MAN1A2: variants seen among roughly 807,000 people sequenced by gnomAD.
MAN1A2 encodes mannosyl-oligosaccharide 1,2-alpha-mannosidase IB.
In MAN1A2, 26 loss-of-function variants were observed where a neutral mutation model predicts 75.7. The observed-to-expected ratio is 0.34, with a 90% confidence interval of 0.25 to 0.48. MAN1A2 has a LOEUF of 0.48. Ranked by LOEUF, MAN1A2 falls within the 20% of genes least tolerant of loss-of-function variation. The pLI is 0.99. For missense variants in MAN1A2, 562 were observed against 775.5 expected (o/e 0.72, Z 3.27); for synonymous variants, 247 against 264.6 (o/e 0.93, Z 0.65).
intron 1 of MAN1A2, among the ~76,000 whole-genome samples, chr1:117,369,746 G>A (rs1195770617): frequency 6.6e-6 from 1 of 152,000 alleles, no homozygotes; most frequent in East Asian, 1.9e-4. Flanking sequence ...TTTGCACTTT[G>A]CTTGTTGTGA....
Position 117,527,829 on chromosome 1 carries a change from C to G in MAN1A2, c.*4872C>G, listed in dbSNP as rs1477045824. The stretch of plus-strand genomic sequence containing the variant: ...GCAAGAATATGATAGAATGTCTGAT[C>G]TTTGTGCTGCAGAAAGCAAACTTTT... On this transcript the variant is annotated 3_prime_UTR_variant, in exon 13 of 13. Coordinates refer to ENST00000356554, the MANE Select transcript of MAN1A2 (RefSeq NM_006699.5). The G allele has an allele frequency of 6.6e-6, 1 of 152,036 alleles. No individual in the cohort carries two copies. Among genetic ancestry groups the G allele is most frequent in the Non-Finnish European group, 1.5e-5 (1 of 67,964 alleles). The allele number at this position is 152,036 out of a possible 1,614,324, so 9.4% of individuals were successfully genotyped here. A position where few individuals can be genotyped will look rare whatever the true frequency, so the allele number is the denominator to read the frequency against.
At chr1:117,491,836 G>A (rs1650890443) in intron 8 of MAN1A2, among the ~76,000 whole-genome samples, 1 of 152,114 alleles carries the variant, frequency 6.6e-6, no homozygotes, top group South Asian at 2.1e-4. Context: ...GATTTTGAGG[G>A]GTTCAAACTC....
chr1:117,430,013 C>T (rs868851616), intron 5 of MAN1A2, among the ~76,000 whole-genome samples: 576 of 42,976 alleles, frequency 0.013, 4 homozygotes, highest in Middle Eastern at 0.05. Flanking sequence ...CCGGACAGGG[C>T]GGCTGGCCGG....
chr1:117,378,354 T>G (rs1263925017), intron 1 of MAN1A2, among the ~76,000 whole-genome samples: 1 of 152,180 alleles, frequency 6.6e-6, no homozygotes, highest in Non-Finnish European at 1.5e-5. Flanking sequence ...TTTTTCATGT[T>G]TTTAAACATT....
chr1:117,466,800 G>A (rs916112655), intron 8 of MAN1A2, among the ~76,000 whole-genome samples: 9 of 152,078 alleles, frequency 5.9e-5, no homozygotes, highest in African/African-American at 2.2e-4. Flanking sequence ...TACTAGAAGG[G>A]GGGCAGTTGT....
intron 4 of MAN1A2, among the ~76,000 whole-genome samples, chr1:117,417,940 G>A (rs893888804): frequency 6.6e-6 from 1 of 151,846 alleles, no homozygotes; most frequent in Non-Finnish European, 1.5e-5. Flanking sequence ...CAGCTACTTG[G>A]GAGGCTGAGG....
intron 6 of MAN1A2, among the ~76,000 whole-genome samples, chr1:117,452,734 A>C (rs1240639809): frequency 6.6e-6 from 1 of 152,226 alleles, no homozygotes; most frequent in African/African-American, 2.4e-5. Context: ...CAGGTGAAGC[A>C]GTAAGTGCTG....
chr1:117,420,688 G>T (rs1451810889), intron 5 of MAN1A2, 39 bp downstream of exon 5: 1 of 1,410,080 alleles, frequency 7.1e-7, no homozygotes, highest in Non-Finnish European at 1.0e-6. Context: ...GTTTTGGAGG[G>T]GAGGGTTGGA....
chr1:117,435,972 C>CA (rs1476117285), intron 5 of MAN1A2, among the ~76,000 whole-genome samples: 1 of 152,078 alleles, frequency 6.6e-6, no homozygotes, highest in Non-Finnish European at 1.5e-5. Flanking sequence ...GCAGGAGAAT[C>CA]ACTTGAACCT....
chr1:117,429,703 G>T (rs1648529489), intron 5 of MAN1A2, among the ~76,000 whole-genome samples: 2 of 108,506 alleles, frequency 1.8e-5, no homozygotes, highest in Non-Finnish European at 3.9e-5. Context: ...TGGCCGGGCA[G>T]GGGGGCTGAC....
At chr1:117,480,495 A>C (rs1050477140) in intron 8 of MAN1A2, among the ~76,000 whole-genome samples, 1 of 151,780 alleles carries the variant, frequency 6.6e-6, no homozygotes, top group Admixed American at 6.6e-5. Context: ...TTTAGGTTTC[A>C]GGCTAAGCTC....
At chr1:117,495,592 CT>C (rs1357221358) in intron 9 of MAN1A2, among the ~76,000 whole-genome samples, 1 of 151,742 alleles carries the variant, frequency 6.6e-6, no homozygotes, top group South Asian at 2.1e-4. Context: ...AACTGACTGC[CT>C]TTTACTTTAG....
At chr1:117,494,060 T>G (rs897455042) in intron 9 of MAN1A2, 3 of 152,102 alleles carry the variant, frequency 2.0e-5, no homozygotes, top group African/African-American at 7.2e-5. Flanking sequence ...ATCACCATTT[T>G]ACACATGAGG....
chr1:117,427,613 T>C (rs1357329077), intron 5 of MAN1A2, among the ~76,000 whole-genome samples: 3 of 152,212 alleles, frequency 2.0e-5, no homozygotes, highest in Non-Finnish European at 4.4e-5. Context: ...GTGATGGACC[T>C]GAATTTCAAG....
At chr1:117,474,724 A>G (rs1335768140) in intron 8 of MAN1A2, among the ~76,000 whole-genome samples, 1 of 152,000 alleles carries the variant, frequency 6.6e-6, no homozygotes, top group African/African-American at 2.4e-5. Flanking sequence ...TAAACTGTAC[A>G]TATTTAAAAT....
chr1:117,432,057 T>G (rs1197247268), intron 5 of MAN1A2, among the ~76,000 whole-genome samples: 1 of 152,206 alleles, frequency 6.6e-6, no homozygotes, highest in Non-Finnish European at 1.5e-5. Flanking sequence ...GCAATATGTT[T>G]CTAAATAAAT....
intron 6 of MAN1A2, among the ~76,000 whole-genome samples, chr1:117,458,520 TA>T (rs1372899537): frequency 1.9e-4 from 19 of 98,414 alleles, no homozygotes; most frequent in African/African-American, 8.3e-4. Context: ...TAGATATATA[TA>T]TATTTTTTTT....
chr1:117,429,585 C>G (rs1648519634), intron 5 of MAN1A2, among the ~76,000 whole-genome samples: 1 of 82,504 alleles, frequency 1.2e-5, no homozygotes, highest in Admixed American at 1.1e-4. Flanking sequence ...GGGGGGCTGA[C>G]CCCCCCACCT....
At chr1:117,394,283 C>T (rs571626031) in intron 1 of MAN1A2, among the ~76,000 whole-genome samples, 14 of 152,160 alleles carry the variant, frequency 9.2e-5, no homozygotes, top group African/African-American at 3.4e-4. Context: ...GGGGTTTCAC[C>T]GTATTAGCCA....
Sources: gnomAD v4.1 joint callset for allele counts (sites outside exome capture counted in the v4.1 genomes callset) on GRCh38, gnomAD v4.1.1 for gene constraint, MANE v1.5 for transcripts, NCBI Gene and HGNC (gene_info 2026-07-23, HGNC 2026-07-21) for gene names.